The following UGP2 variants were observed in gnomAD, a reference collection of about 807,000 sequenced individuals.
The protein encoded by UGP2 is UTP--glucose-1-phosphate uridylyltransferase.
In UGP2, 40 loss-of-function variants were observed where a neutral mutation model predicts 49.0. That is an observed-to-expected ratio of 0.82 (90% CI 0.63 to 1.06). The LOEUF is 1.06. UGP2 is among the 50% of genes least tolerant of loss of function. UGP2 has a pLI of 0.00. For missense variants in UGP2, 460 were observed against 603.5 expected (o/e 0.76, Z 2.49); for synonymous variants, 225 against 213.0 (o/e 1.06, Z -0.49).
intron 2 of UGP2, 96 bp downstream of exon 2, chr2:63,856,529 A>G (rs1669442541): frequency 7.2e-7 from 1 of 1,380,304 alleles, no homozygotes; most frequent in Non-Finnish European, 9.8e-7. Context: ...CATCACCTCA[A>G]ATCAGCACAA....
In UGP2 at chr2:63,887,662, T is replaced by TA. The variant is rs771382975; in HGVS notation, c.1314+19dup. 1.2e-6 allele frequency: 2 copies of TA among 1,610,292 alleles called. No homozygotes were observed. The highest frequency in any genetic ancestry group is 1.3e-5 in the African/African-American group (1 of 74,600). On this transcript the variant is annotated intron_variant, in intron 8 of 9. Transcript: ENST00000337130. ...TTACGAAGGTACGTAACTATAAAGA[T>TA]ATGTGAGTTCATATTTCTTAAATGT...
At chr2:63,857,658 G>A (rs1054441899) in intron 2 of UGP2, 171 bp from the exon 3 acceptor site, 13 of 701,354 alleles carry the variant, frequency 1.9e-5, no homozygotes, top group Admixed American at 4.2e-5. Context: ...CACCAACTAC[G>A]CCCAGCCTGT....
rs187421850 is a variant in UGP2, at chr2:63,879,188, C to T, written c.256-3278C>T. On this transcript the variant is annotated intron_variant, in intron 3 of 9. Coordinates refer to ENST00000337130, the MANE Select transcript of UGP2 (RefSeq NM_006759.4). Reference sequence around the variant, plus strand: ...GTGTAATCTAGAGTTTTCTGCCTCACGTTATTATTTAAATTTGTATAAATA... The same window carrying T: ...GTGTAATCTAGAGTTTTCTGCCTCATGTTATTATTTAAATTTGTATAAATA... Among the ~76,000 whole-genome samples the T allele has an allele frequency of 1.2e-4, 19 of 152,098 alleles. No individual in the cohort carries two copies. The East Asian group carries it at 3.1e-3, about 25-fold the overall frequency.
At chr2:63,880,419 C>T (rs1339652160) in intron 3 of UGP2, among the ~76,000 whole-genome samples, 1 of 152,072 alleles carries the variant, frequency 6.6e-6, no homozygotes, top group Non-Finnish European at 1.5e-5. Flanking sequence ...CTTGGCTTCC[C>T]AAATTGCTGG....
chr2:63,870,199 G>A (rs1158638034), intron 3 of UGP2, among the ~76,000 whole-genome samples: 2 of 152,042 alleles, frequency 1.3e-5, no homozygotes, highest in African/African-American at 2.4e-5. Context: ...TGGGATTACC[G>A]GTGTGAGCCA....
At chr2:63,865,784 C>T (rs1257125921) in intron 3 of UGP2, among the ~76,000 whole-genome samples, 4 of 152,032 alleles carry the variant, frequency 2.6e-5, no homozygotes, top group African/African-American at 9.7e-5. Flanking sequence ...ATTCTCCTAC[C>T]TAGGTCTCCC....
At chr2:63,879,595 A>G (rs933423507) in intron 3 of UGP2, among the ~76,000 whole-genome samples, 5 of 152,270 alleles carry the variant, frequency 3.3e-5, no homozygotes, top group Admixed American at 6.5e-5. Context: ...ATAAAATGGC[A>G]TACAATATTG....
At chr2:63,884,993 C>CTTTTTTTTTTTTTTTT (rs528966512) in intron 5 of UGP2, among the ~76,000 whole-genome samples, 1 of 23,152 alleles carries the variant, frequency 4.3e-5, no homozygotes, top group Non-Finnish European at 7.6e-5. Context: ...CCCATGGTTA[C>CTTTTTTTTTTTTTTTT]TTTTTTTTTT....
chr2:63,846,627 G>C (rs1323144933), intron 1 of UGP2, among the ~76,000 whole-genome samples: 1 of 152,020 alleles, frequency 6.6e-6, no homozygotes, highest in Non-Finnish European at 1.5e-5. Context: ...TAACTTTTTT[G>C]GTGACTCCTA....
chr2:63,858,012 G>A (rs1391293960), intron 3 of UGP2, 76 bp downstream of exon 3: 16 of 1,308,426 alleles, frequency 1.2e-5, no homozygotes, highest in Non-Finnish European at 1.6e-5. Flanking sequence ...GTTGGGTAGT[G>A]TAGGGGACCT....
At chr2:63,844,300 T>C (rs1671779480) in intron 1 of UGP2, among the ~76,000 whole-genome samples, 1 of 152,254 alleles carries the variant, frequency 6.6e-6, no homozygotes, top group African/African-American at 2.4e-5. Flanking sequence ...TTGGAAATTT[T>C]GGTTTTGATT....
At chr2:63,890,635 CTACT>C (rs1304378092) in intron 9 of UGP2, among the ~76,000 whole-genome samples, 5 of 152,214 alleles carry the variant, frequency 3.3e-5, no homozygotes, top group African/African-American at 9.6e-5. Flanking sequence ...CCCATTAAAG[CTACT>C]TACTTAAATG....
intron 3 of UGP2, among the ~76,000 whole-genome samples, chr2:63,866,041 A>G (rs926286747): frequency 7.2e-5 from 11 of 152,194 alleles, no homozygotes; most frequent in Admixed American, 6.5e-4. Flanking sequence ...GGAAACTTGG[A>G]TAAAGAGTAA....
At chr2:63,869,339 C>T (rs925703679) in intron 3 of UGP2, among the ~76,000 whole-genome samples, 3 of 152,198 alleles carry the variant, frequency 2.0e-5, no homozygotes, top group Non-Finnish European at 4.4e-5. Flanking sequence ...CACTTTAAAA[C>T]ATATTTGCCA....
rs144188953 is a variant in UGP2 at position 63,882,519 on chromosome 2, C to T, written c.309C>T (p.Ser103=). ...GGGGCTTGCCTGATAATATATCTTC[C>T]GTGTTGAACAAACTAGTGGTGGTGA... ...KARGLPDNIS[S]VLNKLVVVKL... The change falls in exon 4 of 10, where the codon TCC becomes TCT. Residue 103 remains serine (S), a synonymous_variant. Transcript: ENST00000337130. 33 of 1,611,676 alleles carry T rather than the reference C, an allele frequency of 2.0e-5. No individual in the cohort carries two copies. The highest frequency in any genetic ancestry group is 1.6e-4 in the African/African-American group (12 of 74,998).
intron 1 of UGP2, among the ~76,000 whole-genome samples, chr2:63,847,396 A>G (rs1221627740): frequency 1.3e-5 from 2 of 152,226 alleles, no homozygotes; most frequent in African/African-American, 2.4e-5. Flanking sequence ...TAATAATGAA[A>G]GTGTTTCAAA....
At chr2:63,890,391 A>G (rs943946740) in intron 9 of UGP2, among the ~76,000 whole-genome samples, 1 of 152,002 alleles carries the variant, frequency 6.6e-6, no homozygotes. Context: ...GTAAAAGCAG[A>G]AAAAAAATGA....
intron 3 of UGP2, among the ~76,000 whole-genome samples, chr2:63,859,574 C>T (rs533585171): frequency 6.6e-6 from 1 of 152,096 alleles, no homozygotes; most frequent in East Asian, 1.9e-4. Context: ...CAGTACTACC[C>T]TACCCCATTC....
At chr2:63,851,634 T>A (rs1669048640) in intron 1 of UGP2, among the ~76,000 whole-genome samples, 1 of 152,252 alleles carries the variant, frequency 6.6e-6, no homozygotes, top group African/African-American at 2.4e-5. Context: ...TTTTCTCATT[T>A]CTGCCTCCCC....
Sources: allele counts gnomAD v4.1 joint callset (sites outside exome capture counted in the v4.1 genomes callset), GRCh38; gene constraint gnomAD v4.1.1; transcripts MANE v1.5; gene names NCBI Gene and HGNC (gene_info 2026-07-23, HGNC 2026-07-21).